Variants in POF1B observed in about 807,000 individuals in gnomAD.
The protein encoded by POF1B is POF1B actin binding protein, also known as protein POF1B.
Under a neutral mutation model 55.3 loss-of-function variants are expected in POF1B, and 53 were observed. The ratio of observed to expected loss-of-function variants is 0.96; its 90% CI spans 0.77 to 1.20. POF1B has a LOEUF of 1.20. POF1B is among the 50% of genes most tolerant of loss of function. The pLI is 0.00. For synonymous variants in POF1B, 188 were observed against 148.3 expected (o/e 1.27, Z -1.95); for missense variants, 478 against 420.5 (o/e 1.14, Z -1.20).
chrX:85,334,554 T>G (rs1362131868), intron 6 of POF1B, among the ~76,000 whole-genome samples: 1 of 111,489 alleles, frequency 9.0e-6, no homozygotes, highest in Non-Finnish European at 1.9e-5. Context: ...GTCTAATTCC[T>G]TGTCTCTAAT....
intron 15 of POF1B, among the ~76,000 whole-genome samples, chrX:85,284,925 T>C (rs1030126412): frequency 1.7e-4 from 19 of 111,640 alleles, no homozygotes; most frequent in African/African-American, 5.9e-4. Context: ...AGGGCTAATA[T>C]ACAGAATCTA....
intron 3 of POF1B, among the ~76,000 whole-genome samples, chrX:85,364,247 A>T (rs1017130044): frequency 9.0e-6 from 1 of 111,041 alleles, no homozygotes; most frequent in African/African-American, 3.3e-5. Context: ...GTCCATTTAC[A>T]TTCAACTTTG....
intron 7 of POF1B, among the ~76,000 whole-genome samples, chrX:85,316,974 T>C (rs2147913350): frequency 9.0e-6 from 1 of 110,841 alleles, no homozygotes; most frequent in South Asian, 3.9e-4. Flanking sequence ...TAACATGCAG[T>C]ATTTGGCTTT....
At chrX:85,332,255 T>C (rs1308928320) in intron 6 of POF1B, among the ~76,000 whole-genome samples, 1 of 111,631 alleles carries the variant, frequency 9.0e-6, no homozygotes, top group East Asian at 2.8e-4. Flanking sequence ...CCGTTTATTA[T>C]TTAAAGCCAA....
intron 15 of POF1B, among the ~76,000 whole-genome samples, chrX:85,302,397 TCCA>T (rs1269226408): frequency 1.8e-5 from 2 of 111,560 alleles, no homozygotes; most frequent in African/African-American, 6.5e-5. Context: ...GATACCACTT[TCCA>T]CCACCTAGGA....
chrX:85,379,233 C>T lies in POF1B; in HGVS notation c.222G>A (p.Val74=), dbSNP rs949444972. 1 of 1,208,655 alleles carries T rather than the reference C, an allele frequency of 8.3e-7. No individual in the cohort carries two copies. Among genetic ancestry groups the T allele is most frequent in the Non-Finnish European group, 1.1e-6 (1 of 894,867 alleles). ...AGGAGGTGGTTTTGAGAGGGGAGAG[C>T]ACTTCCCGTGAGTTGAAGGGGTCCA... is the stretch of plus-strand genomic sequence containing the variant. ...QALDPFNSRE[V]LSPLKTTSSY... Residue 74 remains valine, a synonymous_variant, in exon 2 of 17, where the codon GTG becomes GTA. Coordinates refer to ENST00000262753, the MANE Select transcript of POF1B (RefSeq NM_024921.4).
At chrX:85,371,122 A>G (rs762598953) in intron 2 of POF1B, among the ~76,000 whole-genome samples, 2 of 111,174 alleles carry the variant, frequency 1.8e-5, no homozygotes, top group East Asian at 5.7e-4. Flanking sequence ...ACTACTAGCC[A>G]CTTTTGTAAT....
At position 85,294,346 on chromosome X, in the gene POF1B, TG is replaced by T. The variant is rs1442527431; in HGVS notation, c.1649+9059del. ...TTTGTGTTCAGCATGCTATTGGCTG[TG>T]GGTTTCTCATAGATGGCTATTATTA... On this transcript the variant is annotated intron_variant, in intron 15 of 16. Coordinates refer to ENST00000262753, the MANE Select transcript of POF1B (RefSeq NM_024921.4). Among the ~76,000 whole-genome samples the T allele has an allele frequency of 4.5e-5, 5 of 111,907 alleles. No individual in the cohort carries two copies. In the Admixed American group the frequency reaches 4.7e-4, roughly 11 times the overall value.
chrX:85,330,945 G>A lies in POF1B; in HGVS notation c.854+4C>T. On this transcript the variant is annotated splice_donor_region_variant and intron_variant, in intron 7 of 16. Transcript: ENST00000262753. ...CATCAAGGCAAATAATATGTTTACA[G>A]TACCTTCCTCCAATTCTCTGCAAAT... 8.5e-7 allele frequency: 1 copy of A among 1,175,194 alleles called. No individual in the cohort carries two copies. The highest frequency in any genetic ancestry group is 2.0e-5 in the South Asian group (1 of 49,197).
chrX:85,297,465 T>G (rs1385496443), intron 15 of POF1B, among the ~76,000 whole-genome samples: 1 of 112,088 alleles, frequency 8.9e-6, no homozygotes, highest in Non-Finnish European at 1.9e-5. Flanking sequence ...TTAGCTTTGT[T>G]TCTAGGTGCT....
At position 85,278,429 on chromosome X, in the gene POF1B, G is replaced by GA. The variant is rs1457900127; in HGVS notation, c.*991dup. ...AAAATTTTCATCCTCATCTTGCATT[G>GA]AAAAAATACTTGTGTTCAGTTATGT... On this transcript the variant is annotated 3_prime_UTR_variant, in exon 17 of 17. Coordinates refer to ENST00000262753, the MANE Select transcript of POF1B (RefSeq NM_024921.4). The GA allele has an allele frequency of 9.0e-6, 1 of 110,739 alleles. No individual in the cohort carries two copies. Among genetic ancestry groups the GA allele is most frequent in the African/African-American group, 3.3e-5 (1 of 30,575 alleles). The allele number at this position is 110,739 out of a possible 1,213,427, so 9.1% of individuals were successfully genotyped here. A position where few individuals can be genotyped will look rare whatever the true frequency, so the allele number is the denominator to read the frequency against.
intron 15 of POF1B, among the ~76,000 whole-genome samples, chrX:85,292,623 C>T (rs760543044): frequency 4.2e-4 from 47 of 111,145 alleles, no homozygotes; most frequent in African/African-American, 1.5e-3. Context: ...TTTCAAAACT[C>T]ATTATTAGTC....
intron 15 of POF1B, among the ~76,000 whole-genome samples, chrX:85,285,796 A>G (rs975254088): frequency 6.3e-5 from 7 of 111,653 alleles, no homozygotes; most frequent in African/African-American, 2.0e-4. Context: ...AAGTTAAAGT[A>G]TAATAAAAAA....
chrX:85,348,576 G>C (rs1161012338), intron 5 of POF1B, among the ~76,000 whole-genome samples: 3 of 111,018 alleles, frequency 2.7e-5, no homozygotes, highest in Non-Finnish European at 5.7e-5. Context: ...GATTGTCCTA[G>C]TTTATCTCCA....
At chrX:85,346,258 C>A (rs759765600) in intron 5 of POF1B, among the ~76,000 whole-genome samples, 1 of 109,074 alleles carries the variant, frequency 9.2e-6, no homozygotes, top group African/African-American at 3.3e-5. Flanking sequence ...CGTGACCATC[C>A]GAATACTTAT....
At chrX:85,326,119 G>T (rs904671989) in intron 7 of POF1B, among the ~76,000 whole-genome samples, 1 of 112,067 alleles carries the variant, frequency 8.9e-6, no homozygotes, top group Admixed American at 9.4e-5. Context: ...ACCATACTCC[G>T]TAGAGTGGTG....
At chrX:85,286,066 A>G (rs1300183352) in intron 15 of POF1B, among the ~76,000 whole-genome samples, 1 of 111,947 alleles carries the variant, frequency 8.9e-6, no homozygotes, top group Non-Finnish European at 1.9e-5. Flanking sequence ...CTTATTGTTA[A>G]CATTTCTTTA....
At chrX:85,289,641 A>G (rs1321274070) in intron 15 of POF1B, among the ~76,000 whole-genome samples, 2 of 112,120 alleles carry the variant, frequency 1.8e-5, no homozygotes, top group East Asian at 2.8e-4. Context: ...GAAAAAACAA[A>G]CAAACAAAAA....
chrX:85,352,313 T>C (rs943995140), intron 4 of POF1B, among the ~76,000 whole-genome samples: 8 of 111,289 alleles, frequency 7.2e-5, no homozygotes, highest in Middle Eastern at 4.6e-3. Context: ...ATTCATTTAT[T>C]TTGTGATATA....
Sources: allele counts gnomAD v4.1 joint callset (sites outside exome capture counted in the v4.1 genomes callset), GRCh38; gene constraint gnomAD v4.1.1; transcripts MANE v1.5; gene names NCBI Gene and HGNC (gene_info 2026-07-23, HGNC 2026-07-21).